KLHL32: variants seen among roughly 807,000 people sequenced by gnomAD.
KLHL32 encodes the protein kelch like family member 32, also known as kelch-like protein 32.
KLHL32 carries 35 observed loss-of-function variants against 64.8 expected under a neutral mutation model. That is an observed-to-expected ratio of 0.54 (90% CI 0.41 to 0.72). KLHL32 has a LOEUF of 0.72. Ranked by LOEUF, KLHL32 falls within the 30% of genes least tolerant of loss-of-function variation. KLHL32 has a pLI of 0.00. For missense variants in KLHL32, 589 were observed against 768.5 expected (o/e 0.77, Z 2.76); for synonymous variants, 259 against 281.0 (o/e 0.92, Z 0.78).
intron 4 of KLHL32, among the ~76,000 whole-genome samples, chr6:97,056,168 C>T (rs889430136): frequency 2.1e-5 from 3 of 143,982 alleles, no homozygotes; most frequent in East Asian, 2.1e-4. Context: ...TGCAGTGGCA[C>T]GATCTCGGCT....
chr6:97,107,474 ACT>A (rs1796578445), intron 6 of KLHL32, among the ~76,000 whole-genome samples: 1 of 152,188 alleles, frequency 6.6e-6, no homozygotes, highest in Non-Finnish European at 1.5e-5. Context: ...AAGTCGGTTA[ACT>A]TGTCTGGTTT....
chr6:97,124,925 A>G (rs911090291), intron 7 of KLHL32, among the ~76,000 whole-genome samples: 3 of 152,188 alleles, frequency 2.0e-5, no homozygotes, highest in South Asian at 2.1e-4. Flanking sequence ...ACACAACCCT[A>G]TATTTATTTT....
chr6:96,898,547 T>C, the KLHL32 span, among the ~76,000 whole-genome samples: 1 of 152,328 alleles, frequency 6.6e-6, no homozygotes, highest in Middle Eastern at 3.4e-3. Flanking sequence ...AGTTATACTT[T>C]CCCTTATCTT....
intron 4 of KLHL32, among the ~76,000 whole-genome samples, chr6:97,056,113 T>C (rs1303612166): frequency 1.4e-5 from 2 of 143,120 alleles, no homozygotes; most frequent in African/African-American, 5.2e-5. Flanking sequence ...TTTCTTTTTT[T>C]TTTTTTTTTT....
chr6:96,907,126 A>C, the KLHL32 span, among the ~76,000 whole-genome samples: 14 of 152,340 alleles, frequency 9.2e-5, no homozygotes, highest in African/African-American at 3.4e-4. Flanking sequence ...TTATTTAGCA[A>C]TGCAGCTTTG....
At chr6:97,034,271 G>A (rs1293299809) in intron 3 of KLHL32, among the ~76,000 whole-genome samples, 1 of 152,086 alleles carries the variant, frequency 6.6e-6, no homozygotes, top group Non-Finnish European at 1.5e-5. Context: ...ATATTGAAAA[G>A]CCTGTCCTTT....
At chr6:97,009,348 T>G (rs1203435000) in intron 3 of KLHL32, among the ~76,000 whole-genome samples, 2 of 152,148 alleles carry the variant, frequency 1.3e-5, no homozygotes, top group Non-Finnish European at 2.9e-5. Context: ...TATTTTGAAA[T>G]AATTTTTCGC....
At chr6:96,968,742 C>T (rs1774773937) in intron 2 of KLHL32, among the ~76,000 whole-genome samples, 1 of 152,088 alleles carries the variant, frequency 6.6e-6, no homozygotes, top group Non-Finnish European at 1.5e-5. Context: ...TCTGCTGTAT[C>T]ATCTCCTTGT....
At chr6:97,003,657 G>A (rs1391886232) in intron 3 of KLHL32, among the ~76,000 whole-genome samples, 3 of 152,012 alleles carry the variant, frequency 2.0e-5, no homozygotes, top group Non-Finnish European at 4.4e-5. Context: ...ATCTTGAGTT[G>A]ATTTTTTGTA....
At chr6:96,976,260 C>A in intron 3 of KLHL32, 83 bp downstream of exon 3, 1 of 1,272,196 alleles carries the variant, frequency 7.9e-7, no homozygotes, top group Non-Finnish European at 1.1e-6. Flanking sequence ...AAACCAGGAG[C>A]CAATTAGGTG....
chr6:96,932,566 C>A (rs1443424445), intron 1 of KLHL32, among the ~76,000 whole-genome samples: 1 of 63,548 alleles, frequency 1.6e-5, no homozygotes, highest in African/African-American at 1.0e-4. Context: ...TGTCAATTTC[C>A]CCCCCCCCCT....
At chr6:96,993,730 A>G (rs1006166748) in intron 3 of KLHL32, among the ~76,000 whole-genome samples, 1 of 152,184 alleles carries the variant, frequency 6.6e-6, no homozygotes, top group African/African-American at 2.4e-5. Flanking sequence ...ACTCCTAATC[A>G]GAAACAAAGG....
At chr6:96,934,342 G>T (rs1770306549) in intron 1 of KLHL32, among the ~76,000 whole-genome samples, 1 of 152,186 alleles carries the variant, frequency 6.6e-6, no homozygotes, top group African/African-American at 2.4e-5. Context: ...TGGGAGATGT[G>T]GTCTAGAGTG....
intron 7 of KLHL32, among the ~76,000 whole-genome samples, chr6:97,116,063 A>G (rs1797780201): frequency 1.3e-5 from 2 of 152,132 alleles, no homozygotes; most frequent in Admixed American, 1.3e-4. Flanking sequence ...TGCCTCAGTT[A>G]TTGGCAATTC....
chr6:96,919,448 T>C, the KLHL32 span, among the ~76,000 whole-genome samples: 1 of 152,220 alleles, frequency 6.6e-6, no homozygotes, highest in Non-Finnish European at 1.5e-5. Context: ...TGAAATGTGT[T>C]GATATGAAAT....
chr6:97,024,814 A>C, intron 3 of KLHL32, among the ~76,000 whole-genome samples: 1 of 152,268 alleles, frequency 6.6e-6, no homozygotes, highest in African/African-American at 2.4e-5. Context: ...AATAGCTAAC[A>C]TTTTTTATCA....
intron 3 of KLHL32, among the ~76,000 whole-genome samples, chr6:96,982,994 C>G (rs927938435): frequency 1.3e-5 from 2 of 152,236 alleles, no homozygotes; most frequent in South Asian, 2.1e-4. Flanking sequence ...TTTGCCCATT[C>G]AGTATGATAT....
intron 5 of KLHL32, among the ~76,000 whole-genome samples, chr6:97,066,986 A>G (rs1582907645): frequency 6.6e-6 from 1 of 152,166 alleles, no homozygotes; most frequent in East Asian, 1.9e-4. Context: ...TACTTTGTCA[A>G]CTAGGAGTTT....
chr6:97,037,152 A>G (rs1784419497), intron 3 of KLHL32, among the ~76,000 whole-genome samples: 1 of 151,984 alleles, frequency 6.6e-6, no homozygotes, highest in Non-Finnish European at 1.5e-5. Context: ...TTATTTTTTC[A>G]AATTGTATTT....
Sources: allele counts gnomAD v4.1 joint callset (sites outside exome capture counted in the v4.1 genomes callset), GRCh38; gene constraint gnomAD v4.1.1; transcripts MANE v1.5; gene names NCBI Gene and HGNC (gene_info 2026-07-23, HGNC 2026-07-21).